SCAPER: variants seen among roughly 807,000 people sequenced by gnomAD.
SCAPER encodes the protein S phase cyclin A-associated protein in the endoplasmic reticulum.
Under a neutral mutation model 182.2 loss-of-function variants are expected in SCAPER, and 98 were observed. The ratio of observed to expected loss-of-function variants is 0.54; its 90% CI spans 0.46 to 0.64. The LOEUF (loss-of-function observed/expected upper bound fraction) is 0.64. SCAPER is among the 30% of genes least tolerant of loss of function. The pLI is 0.00. For missense variants in SCAPER, 1,432 were observed against 1,690.0 expected, an observed-to-expected ratio of 0.85 and a Z score of 2.68; for synonymous variants, 605 against 564.6, an observed-to-expected ratio of 1.07 and a Z score of -1.01.
At chr15:76,392,379 C>G (rs146818323) in intron 27 of SCAPER, among the ~76,000 whole-genome samples, 230 of 152,292 alleles carry the variant, frequency 1.5e-3, no homozygotes, top group African/African-American at 5.2e-3. Flanking sequence ...CCTGTCATGT[C>G]CAACCCTGTG....
intron 23 of SCAPER, among the ~76,000 whole-genome samples, chr15:76,507,743 G>A (rs67920045): frequency 0.38 from 58,089 of 151,916 alleles, 13,089 homozygotes; most frequent in Middle Eastern, 0.53. Flanking sequence ...AAAGCTAGAC[G>A]ACTCATACAC....
At position 76,733,209 on chromosome 15, in the gene SCAPER, G is replaced by A. The variant is rs753853149; in HGVS notation, c.2022+20C>T. ...TATGACAGGTGCTCAAGCAATGTTT[G>A]CTGAATAAAAAAATCCTACCTGCAC... On this transcript the variant is annotated intron_variant, in intron 16 of 31. Coordinates refer to ENST00000563290, the MANE Select transcript of SCAPER (RefSeq NM_020843.4). The A allele has an allele frequency of 1.3e-6, 2 of 1,551,726 alleles. No individual in the cohort carries two copies. The highest frequency in any genetic ancestry group is 2.4e-5 in the South Asian group (2 of 83,930).
rs1491323208 is a variant in SCAPER, at chr15:76,512,863, C to CA, written c.2839-7890dup. On this transcript the variant is annotated intron_variant, in intron 23 of 31. Coordinates refer to ENST00000563290, the MANE Select transcript of SCAPER (RefSeq NM_020843.4). Reference sequence around the variant, plus strand: ...TTCAGTTTATTATTTGCAGCTTTTCCAGAAAAAAAAAAAAAAAGCAAAAAA... The same window carrying CA: ...TTCAGTTTATTATTTGCAGCTTTTCCAAGAAAAAAAAAAAAAAAGCAAAAAA... 3.7e-3 allele frequency among the ~76,000 whole-genome samples: 205 copies of CA among 55,624 alleles called. 1 individual carries two copies. Among genetic ancestry groups the CA allele is most frequent in the East Asian group, 0.029 (35 of 1,196 alleles). 36.5% of individuals were successfully genotyped at this position (55,624 alleles called of 152,430 possible). A position where few individuals can be genotyped will look rare whatever the true frequency, so the allele number is the denominator to read the frequency against.
chr15:76,379,109 C>G, intron 28 of SCAPER, among the ~76,000 whole-genome samples: 1 of 152,164 alleles, frequency 6.6e-6, no homozygotes, highest in East Asian at 1.9e-4. Flanking sequence ...AGAAAAAATA[C>G]GTAGTCATTG....
At chr15:76,842,062 A>G in intron 4 of SCAPER, 131 bp from the exon 5 acceptor site, 1 of 736,664 alleles carries the variant, frequency 1.4e-6, no homozygotes, top group Non-Finnish European at 2.2e-6. Flanking sequence ...CTGAACATGT[A>G]TGGACTTTTT....
At chr15:76,629,825 T>C (rs1234053314) in intron 21 of SCAPER, among the ~76,000 whole-genome samples, 1 of 152,166 alleles carries the variant, frequency 6.6e-6, no homozygotes, top group African/African-American at 2.4e-5. Flanking sequence ...ATAGTTTCAA[T>C]AGGAATAGTA....
At chr15:76,506,871 T>C (rs2041627230) in intron 23 of SCAPER, among the ~76,000 whole-genome samples, 1 of 152,296 alleles carries the variant, frequency 6.6e-6, no homozygotes, top group South Asian at 2.1e-4. Flanking sequence ...ACTAAACCTA[T>C]GATTATTTCT....
Position 76,348,712 on chromosome 15 carries a change from T to C in SCAPER, c.4124A>G (p.Tyr1375Cys), listed in dbSNP as rs1341543114. The C allele has an allele frequency of 1.3e-6, 2 of 1,550,922 alleles. No homozygotes were observed. Among genetic ancestry groups the C allele is most frequent in the African/African-American group, 2.7e-5 (2 of 73,468 alleles). The change falls in exon 32 of 32, where the codon TAT becomes TGT. Residue 1375 changes from tyrosine to cysteine, a missense_variant. Transcript: ENST00000563290. ...PKGKCLGSQD[Y>C]LELANRFPQQ... Reference sequence around the variant, plus strand: ...AGGAAATCTGTTAGCCAGCTCAAGATAGTCTTGGGAACCAAGGCATTTCCC... The same window carrying C: ...AGGAAATCTGTTAGCCAGCTCAAGACAGTCTTGGGAACCAAGGCATTTCCC...
At chr15:76,638,396 G>A (rs994956252) in intron 21 of SCAPER, among the ~76,000 whole-genome samples, 7 of 151,952 alleles carry the variant, frequency 4.6e-5, no homozygotes, top group African/African-American at 1.5e-4. Context: ...ATCCAGTTTA[G>A]TATAAAATAG....
chr15:76,788,183 C>T (rs748818926), intron 8 of SCAPER, among the ~76,000 whole-genome samples: 5 of 152,014 alleles, frequency 3.3e-5, no homozygotes, highest in African/African-American at 7.2e-5. Flanking sequence ...ACCACACGGC[C>T]GTGGAGAATG....
At chr15:76,879,425 G>A (rs529018953) in intron 2 of SCAPER, among the ~76,000 whole-genome samples, 17 of 152,272 alleles carry the variant, frequency 1.1e-4, no homozygotes, top group South Asian at 6.2e-4. Context: ...AGGTGAGCAT[G>A]TGACCTAAGG....
At chr15:76,348,790 G>T in intron 31 of SCAPER, 54 bp from the exon 32 acceptor site, 2 of 1,070,124 alleles carry the variant, frequency 1.9e-6, no homozygotes, top group Non-Finnish European at 2.7e-6. Flanking sequence ...TAAATTCTTT[G>T]AAGATTCATA....
At chr15:76,474,183 C>A (rs896218977) in intron 24 of SCAPER, among the ~76,000 whole-genome samples, 1 of 152,168 alleles carries the variant, frequency 6.6e-6, no homozygotes, top group South Asian at 2.1e-4. Flanking sequence ...ATGGGGTAGG[C>A]TCCTGACATC....
chr15:76,559,201 ATTTTT>A (rs58642207), intron 23 of SCAPER, among the ~76,000 whole-genome samples: 28 of 121,810 alleles, frequency 2.3e-4, no homozygotes, highest in Admixed American at 5.5e-4. Context: ...CACCCAGCTA[ATTTTT>A]TTTTTTTTTT....
intron 25 of SCAPER, among the ~76,000 whole-genome samples, chr15:76,457,704 G>A (rs1328736768): frequency 6.6e-6 from 1 of 152,162 alleles, no homozygotes; most frequent in East Asian, 1.9e-4. Context: ...ATAATAATAT[G>A]CAGTACACTT....
At chr15:76,519,940 C>A (rs1163545716) in intron 23 of SCAPER, among the ~76,000 whole-genome samples, 1 of 152,050 alleles carries the variant, frequency 6.6e-6, no homozygotes, top group African/African-American at 2.4e-5. Context: ...AATAGTATAC[C>A]CTTAATGTTC....
At chr15:76,650,182 A>C (rs2054903263) in intron 21 of SCAPER, among the ~76,000 whole-genome samples, 1 of 152,140 alleles carries the variant, frequency 6.6e-6, no homozygotes, top group Admixed American at 6.5e-5. Context: ...AAACACTAAA[A>C]ATAAAAAGTG....
chr15:76,725,112 C>A (rs1262044402), intron 17 of SCAPER, among the ~76,000 whole-genome samples: 2 of 151,912 alleles, frequency 1.3e-5, no homozygotes, highest in Admixed American at 1.3e-4. Flanking sequence ...CAGCAACATA[C>A]AAATTTTAAA....
chr15:76,820,236 T>G (rs1381864314), intron 5 of SCAPER, among the ~76,000 whole-genome samples: 4 of 152,148 alleles, frequency 2.6e-5, no homozygotes, highest in Non-Finnish European at 5.9e-5. Context: ...ATCCCATTAC[T>G]GGGTATATAC....
Sources: allele counts gnomAD v4.1 joint callset (sites outside exome capture counted in the v4.1 genomes callset), GRCh38; gene constraint gnomAD v4.1.1; transcripts MANE v1.5; gene names NCBI Gene and HGNC (gene_info 2026-07-23, HGNC 2026-07-21).